Variants in FBXO28 observed in about 807,000 individuals in gnomAD.
FBXO28 encodes F-box only protein 28.
Under a neutral mutation model 38.1 loss-of-function variants are expected in FBXO28, and 8 were observed. The observed-to-expected ratio is 0.21, with a 90% CI of 0.12 to 0.38. The LOEUF is 0.38. FBXO28 is among the 10% of genes least tolerant of loss of function. The pLI is 1.00. For synonymous variants in FBXO28, 168 were observed against 173.8 expected, an observed-to-expected ratio of 0.97 and a Z score of 0.26; for missense variants, 345 against 460.6, an observed-to-expected ratio of 0.75 and a Z score of 2.30.
At chr1:224,153,029 C>T (rs1485629345) in intron 3 of FBXO28, 113 bp from the exon 4 acceptor site, 1 of 714,034 alleles carries the variant, frequency 1.4e-6, no homozygotes, top group Non-Finnish European at 2.3e-6. Flanking sequence ...CTTAAATCAC[C>T]CTACAGGTCT....
chr1:224,147,704 G>T (rs1255891289), intron 3 of FBXO28, among the ~76,000 whole-genome samples: 1 of 151,742 alleles, frequency 6.6e-6, no homozygotes, highest in African/African-American at 2.4e-5. Context: ...GGTTCAACAT[G>T]TGGTATATCA....
intron 3 of FBXO28, among the ~76,000 whole-genome samples, chr1:224,149,111 T>C (rs888002774): frequency 1.6e-4 from 24 of 152,288 alleles, no homozygotes; most frequent in Admixed American, 1.4e-3. Flanking sequence ...TATAAACATA[T>C]AATATCTAGA....
chr1:224,128,027 T>C (rs1377896649), intron 1 of FBXO28, among the ~76,000 whole-genome samples: 1 of 152,214 alleles, frequency 6.6e-6, no homozygotes, highest in Non-Finnish European at 1.5e-5. Flanking sequence ...ATCTGGTTTT[T>C]AATATTAGAA....
At chr1:224,129,894 G>A (rs1424541294) in intron 1 of FBXO28, among the ~76,000 whole-genome samples, 1 of 152,222 alleles carries the variant, frequency 6.6e-6, no homozygotes, top group Non-Finnish European at 1.5e-5. Context: ...GGAGGCTGAG[G>A]CAGGAGAATG....
At chr1:224,139,813 G>A (rs1396942331) in intron 3 of FBXO28, among the ~76,000 whole-genome samples, 1 of 119,894 alleles carries the variant, frequency 8.3e-6, no homozygotes, top group Non-Finnish European at 1.8e-5. Context: ...TTTTGGCCAG[G>A]CGTGGTGGCT....
chr1:224,125,575 G>T (rs1327771368), intron 1 of FBXO28, among the ~76,000 whole-genome samples: 2 of 151,494 alleles, frequency 1.3e-5, no homozygotes, highest in African/African-American at 2.4e-5. Flanking sequence ...AAGATGGGTG[G>T]TCTTTTCCTT....
At chr1:224,120,129 AGGATGACCTG>A (rs1656738849) in intron 1 of FBXO28, among the ~76,000 whole-genome samples, 1 of 152,258 alleles carries the variant, frequency 6.6e-6, no homozygotes, top group Non-Finnish European at 1.5e-5. Flanking sequence ...CTATGTTAAA[AGGATGACCTG>A]TGCATATAAA....
At chr1:224,134,711 A>G (rs1657134395) in intron 3 of FBXO28, among the ~76,000 whole-genome samples, 1 of 152,228 alleles carries the variant, frequency 6.6e-6, no homozygotes, top group Non-Finnish European at 1.5e-5. Context: ...TAACACAGAA[A>G]TAACTATATT....
At chr1:224,152,798 G>A (rs554977894) in intron 3 of FBXO28, among the ~76,000 whole-genome samples, 5 of 151,752 alleles carry the variant, frequency 3.3e-5, no homozygotes, top group East Asian at 1.9e-4. Flanking sequence ...GCGTGATGGC[G>A]GGCAACTGTA....
intron 1 of FBXO28, among the ~76,000 whole-genome samples, chr1:224,117,824 A>G (rs966349907): frequency 6.6e-6 from 1 of 152,110 alleles, no homozygotes; most frequent in Non-Finnish European, 1.5e-5. Context: ...CCTGGCCAAC[A>G]TGGTGAAACC....
intron 3 of FBXO28, among the ~76,000 whole-genome samples, chr1:224,147,170 A>G (rs1167464433): frequency 2.0e-5 from 3 of 151,812 alleles, no homozygotes; most frequent in African/African-American, 7.3e-5. Flanking sequence ...CACGCCTATA[A>G]TCCCAGCACT....
intron 3 of FBXO28, among the ~76,000 whole-genome samples, chr1:224,134,662 T>A (rs546605315): frequency 1.3e-5 from 2 of 152,336 alleles, no homozygotes; most frequent in African/African-American, 4.8e-5. Context: ...AAACAATTGC[T>A]ATTTACCAAT....
intron 3 of FBXO28, among the ~76,000 whole-genome samples, chr1:224,138,836 T>G (rs897147879): frequency 1.3e-5 from 2 of 151,682 alleles, no homozygotes; most frequent in African/African-American, 4.9e-5. Flanking sequence ...CACCTCAGCC[T>G]CCAGCTGGAG....
At chr1:224,118,425 T>C (rs1163385670) in intron 1 of FBXO28, among the ~76,000 whole-genome samples, 1 of 152,208 alleles carries the variant, frequency 6.6e-6, no homozygotes, top group East Asian at 1.9e-4. Context: ...ACTGGAGCTC[T>C]TATCATTTTA....
chr1:224,143,490 C>G (rs1657416359), intron 3 of FBXO28, among the ~76,000 whole-genome samples: 1 of 152,072 alleles, frequency 6.6e-6, no homozygotes, highest in African/African-American at 2.4e-5. Flanking sequence ...AGGATGGGCT[C>G]CAGCCACCTG....
intron 3 of FBXO28, among the ~76,000 whole-genome samples, chr1:224,145,238 G>C (rs6667522): frequency 0.13 from 18,581 of 138,480 alleles, 1,190 homozygotes; most frequent in South Asian, 0.18. Flanking sequence ...AGGTTTCAGT[G>C]AGCTGAGATC....
intron 2 of FBXO28, among the ~76,000 whole-genome samples, chr1:224,132,528 G>T (rs1050174071): frequency 6.6e-6 from 1 of 152,142 alleles, no homozygotes; most frequent in African/African-American, 2.4e-5. Flanking sequence ...TTCTCAGGCC[G>T]GATGTGATGG....
chr1:224,159,101 A>G lies in FBXO28; in HGVS notation c.*1355A>G, dbSNP rs190912219. 3 of 152,668 alleles carry G rather than the reference A, an allele frequency of 2.0e-5. No individual in the cohort carries two copies. The highest frequency in any genetic ancestry group is 6.5e-5 in the Admixed American group (1 of 15,286). 9.5% of individuals were successfully genotyped at this position (152,668 alleles called of 1,614,324 possible). On this transcript the variant is annotated 3_prime_UTR_variant, in exon 5 of 5. Transcript: ENST00000366862. The stretch of plus-strand genomic sequence containing the variant: ...ATTCAATTATCACTGTCTTAGTTGT[A>G]TTTTAATTTACTAAATTATGTAGCT...
intron 3 of FBXO28, among the ~76,000 whole-genome samples, chr1:224,143,147 AG>A (rs1657402577): frequency 6.6e-6 from 1 of 150,920 alleles, no homozygotes; most frequent in African/African-American, 2.4e-5. Flanking sequence ...GGAACCCAGG[AG>A]ATGGAGGTTG....
Sources: allele counts gnomAD v4.1 joint callset (sites outside exome capture counted in the v4.1 genomes callset), GRCh38; gene constraint gnomAD v4.1.1; transcripts MANE v1.5; gene names NCBI Gene and HGNC (gene_info 2026-07-23, HGNC 2026-07-21).